DICER1: variants seen among roughly 807,000 people sequenced by gnomAD.
DICER1 encodes dicer 1, ribonuclease III, also known as endoribonuclease Dicer.
In DICER1, 43 loss-of-function variants were observed where a neutral mutation model predicts 194.1. The observed-to-expected ratio is 0.22, with a 90% CI of 0.17 to 0.29. DICER1 has a LOEUF of 0.29. DICER1 is among the 10% of genes least tolerant of loss of function. The pLI is 1.00. For missense variants in DICER1, 1,608 were observed against 2,317.0 expected, an observed-to-expected ratio of 0.69 and a Z score of 6.28; for synonymous variants, 832 against 820.5, an observed-to-expected ratio of 1.01 and a Z score of -0.24.
rs375814010 is a variant in DICER1 at position 95,143,102 on chromosome 14, C to A, written c.-45-9599G>T. On this transcript the variant is annotated intron_variant, in intron 1 of 26. Transcript: ENST00000343455. ...TCCAGGATAAACAAATGGAAAAAAA[C>A]CACAATATAGTGACATTAAAACAGT... Among the ~76,000 whole-genome samples the A allele has an allele frequency of 8.5e-5, 13 of 152,220 alleles. No homozygotes were observed. In the East Asian group the frequency reaches 1.7e-3, roughly 20 times the overall value.
chr14:95,092,394 TCAACA>T, intron 24 of DICER1, among the ~76,000 whole-genome samples: 1 of 152,224 alleles, frequency 6.6e-6, no homozygotes, highest in African/African-American at 2.4e-5. Flanking sequence ...TTTTCTAAAA[TCAACA>T]CAAATCATTT....
chr14:95,094,228 C>A, intron 23 of DICER1, 72 bp from the exon 24 acceptor site: 2 of 1,548,578 alleles, frequency 1.3e-6, no homozygotes, highest in Middle Eastern at 1.7e-4. Context: ...GCAACTGATC[C>A]CCAAATCCGA....
At position 95,086,978 on chromosome 14, in the gene DICER1, TATCAA is replaced by T. The variant is rs1477157273; in HGVS notation, c.*3515_*3519del. 1 of 232,824 alleles carries T rather than the reference TATCAA, an allele frequency of 4.3e-6. No homozygotes were observed. The highest frequency in any genetic ancestry group is 8.5e-6 in the Non-Finnish European group (1 of 117,892). 14.4% of individuals were successfully genotyped at this position (232,824 alleles called of 1,614,324 possible). A position where few individuals can be genotyped will look rare whatever the true frequency, so the allele number is the denominator to read the frequency against. ...AATTTCAGATGCAGTTAAAAAAAGG[TATCAA>T]GGTCTCAGTTTGGTGGCTTCAATCT... On this transcript the variant is annotated 3_prime_UTR_variant, in exon 27 of 27. Transcript: ENST00000343455.
chr14:95,099,039 T>A (rs976893364), intron 22 of DICER1, among the ~76,000 whole-genome samples: 5 of 152,178 alleles, frequency 3.3e-5, no homozygotes, highest in African/African-American at 1.2e-4. Context: ...GAAGTAACAA[T>A]GAGCCAATTT....
intron 26 of DICER1, 56 bp from the exon 27 acceptor site, chr14:95,090,719 C>A: frequency 6.3e-7 from 1 of 1,598,492 alleles, no homozygotes; most frequent in South Asian, 1.1e-5. Flanking sequence ...TTATCATTGT[C>A]AATCAGCATT....
chr14:95,122,644 C>G lies in DICER1; in HGVS notation c.1376+1552G>C, dbSNP rs561745606. Among the ~76,000 whole-genome samples, 8 of 152,306 alleles carry G rather than the reference C, an allele frequency of 5.3e-5. No individual in the cohort carries two copies. The South Asian group carries it at 8.3e-4, about 16-fold the overall frequency. ...CATTGACTAGCAATTTAACTTACAG[C>G]AAATCACTCTCTCTCCTGAGGCTCT... On this transcript the variant is annotated intron_variant, in intron 8 of 26. Coordinates refer to ENST00000343455, the MANE Select transcript of DICER1 (RefSeq NM_177438.3).
At chr14:95,110,284 G>A (rs1891838054) in intron 14 of DICER1, among the ~76,000 whole-genome samples, 1 of 152,214 alleles carries the variant, frequency 6.6e-6, no homozygotes, top group African/African-American at 2.4e-5. Flanking sequence ...CAGGGCCAAG[G>A]GTGCCAGAGT....
chr14:95,101,508 C>T (rs992948331), intron 21 of DICER1, among the ~76,000 whole-genome samples: 1 of 152,158 alleles, frequency 6.6e-6, no homozygotes, highest in Non-Finnish European at 1.5e-5. Context: ...TCTACAAAAC[C>T]GTATCTGAAT....
chr14:95,110,561 G>A (rs889557765), intron 14 of DICER1, among the ~76,000 whole-genome samples: 4 of 152,104 alleles, frequency 2.6e-5, no homozygotes, highest in African/African-American at 9.7e-5. Flanking sequence ...AAACAACGTT[G>A]AGCTGCTGGA....
At chr14:95,138,987 A>T (rs927853834) in intron 1 of DICER1, among the ~76,000 whole-genome samples, 39 of 31,164 alleles carry the variant, frequency 1.3e-3, no homozygotes, top group East Asian at 2.3e-3. Context: ...AAAAATAAAT[A>T]AAAAAATAAA....
intron 1 of DICER1, among the ~76,000 whole-genome samples, chr14:95,145,523 G>A (rs1895076296): frequency 6.6e-6 from 1 of 151,776 alleles, no homozygotes; most frequent in East Asian, 1.9e-4. Flanking sequence ...AATAATCATG[G>A]ATATTTCAAA....
chr14:95,151,816 C>A (rs913621433), intron 1 of DICER1, among the ~76,000 whole-genome samples: 8 of 152,210 alleles, frequency 5.3e-5, no homozygotes, highest in African/African-American at 1.7e-4. Flanking sequence ...TCTCACCTCC[C>A]AGGATGTTAC....
At chr14:95,140,475 T>C (rs1001340013) in intron 1 of DICER1, among the ~76,000 whole-genome samples, 1 of 152,210 alleles carries the variant, frequency 6.6e-6, no homozygotes, top group Non-Finnish European at 1.5e-5. Context: ...TAATAGGCTA[T>C]ACCATGTAGG....
Position 95,109,838 on chromosome 14 carries a change from A to G in DICER1, c.2257-1335T>C, listed in dbSNP as rs547102365. Among the ~76,000 whole-genome samples the G allele has an allele frequency of 3.1e-4, 47 of 152,364 alleles. 1 individual carries two copies. In the South Asian group the frequency reaches 7.7e-3, roughly 25 times the overall value. On this transcript the variant is annotated intron_variant, in intron 14 of 26. Coordinates refer to ENST00000343455, the MANE Select transcript of DICER1 (RefSeq NM_177438.3). ...GTAACCTGAGGTCAGTCACGGTCCA[A>G]TAACAGGTGTGTACAGTACAGTATT... is the stretch of plus-strand genomic sequence containing the variant.
In DICER1 at chr14:95,135,116, C is replaced by T. The variant is rs189221713; in HGVS notation, c.-45-1613G>A. Among the ~76,000 whole-genome samples the T allele has an allele frequency of 4.1e-3, 623 of 152,264 alleles. 5 individuals carry two copies. Among genetic ancestry groups the T allele is most frequent in the South Asian group, 0.013 (65 of 4,816 alleles). ...TGAGATCAGGAGGCCACTCTGAAGG[C>T]CCAAGGCTAAGATCTGCGGGTCCCA... On this transcript the variant is annotated intron_variant, in intron 1 of 26. Transcript: ENST00000343455.
chr14:95,141,379 A>T (rs1001782054), intron 1 of DICER1, among the ~76,000 whole-genome samples: 5 of 152,350 alleles, frequency 3.3e-5, no homozygotes, highest in Admixed American at 1.3e-4. Flanking sequence ...AGAGATTATA[A>T]ATCAAAAACT....
At chr14:95,138,802 C>G (rs1894610106) in intron 1 of DICER1, among the ~76,000 whole-genome samples, 1 of 117,880 alleles carries the variant, frequency 8.5e-6, no homozygotes, top group Non-Finnish European at 1.7e-5. Flanking sequence ...GAATATCACA[C>G]TCTGGGGACT....
chr14:95,146,863 CTATAAT>C (rs1482957386), intron 1 of DICER1, among the ~76,000 whole-genome samples: 1 of 151,258 alleles, frequency 6.6e-6, no homozygotes, highest in Non-Finnish European at 1.5e-5. Flanking sequence ...TACAGTGAGA[CTATAAT>C]TATGTCTTAG....
chr14:95,095,977 C>T lies in DICER1; in HGVS notation c.4943G>A (p.Cys1648Tyr), dbSNP rs754575679. ...EYGCLKIPPRCMFDHPDADKT... is the reference protein window; with the variant it reads ...EYGCLKIPPRYMFDHPDADKT... ...ATCTGCATCTGGATGATCAAACATA[C>T]ATCTTGGTGGAATCTTCAAACAACC... Residue 1648 changes from cysteine to tyrosine, a missense_variant, in exon 23 of 27, where the codon TGT becomes TAT. Cys to Tyr is a radical substitution (Grantham distance 194). This residue lies in a region of DICER1 where 125 missense variants were observed against 134.9 expected (regional missense o/e 0.93). Transcript: ENST00000343455. 8.7e-6 allele frequency: 14 copies of T among 1,614,194 alleles called. No homozygotes were observed. The highest frequency in any genetic ancestry group is 1.1e-5 in the Non-Finnish European group (13 of 1,180,030).
Sources: allele counts gnomAD v4.1 joint callset (sites outside exome capture counted in the v4.1 genomes callset), GRCh38; gene constraint gnomAD v4.1.1; regional missense constraint gnomAD v4.1.1; transcripts MANE v1.5; gene names NCBI Gene and HGNC (gene_info 2026-07-23, HGNC 2026-07-21).